Variants in CCDC93 observed in about 807,000 individuals in gnomAD.
CCDC93 encodes the protein coiled-coil domain-containing protein 93.
In CCDC93, 61 loss-of-function variants were observed where a neutral mutation model predicts 108.2. The observed-to-expected ratio is 0.56, with a 90% CI of 0.46 to 0.70. The LOEUF (loss-of-function observed/expected upper bound fraction) is 0.70. Among genes scored for constraint, CCDC93 ranks in the 30% least tolerant of loss-of-function variants. CCDC93 has a pLI of 0.00. For missense variants in CCDC93, 685 were observed against 764.2 expected (o/e 0.90, Z 1.22); for synonymous variants, 276 against 260.4 (o/e 1.06, Z -0.58).
chr2:117,974,845 C>T lies in CCDC93; in HGVS notation c.801+5G>A, dbSNP rs1352546831. 1.9e-6 allele frequency: 3 copies of T among 1,569,316 alleles called. No individual in the cohort carries two copies. The highest frequency in any genetic ancestry group is 2.6e-6 in the Non-Finnish European group (3 of 1,156,242). On this transcript the variant is annotated splice_donor_5th_base_variant and intron_variant, in intron 10 of 23. Coordinates refer to ENST00000376300, the MANE Select transcript of CCDC93 (RefSeq NM_019044.5). ...CATCCCCACACCTCCCCGACTCCCA[C>T]TCACCTCCTCATTTGCCATAGCGGT...
At chr2:117,982,978 T>C (rs531152892) in intron 7 of CCDC93, among the ~76,000 whole-genome samples, 2 of 152,214 alleles carry the variant, frequency 1.3e-5, no homozygotes, top group Non-Finnish European at 2.9e-5. Flanking sequence ...CACCCTAATA[T>C]GCTGAATAAC....
chr2:118,003,862 T>G (rs1676787416), intron 3 of CCDC93, among the ~76,000 whole-genome samples: 1 of 152,150 alleles, frequency 6.6e-6, no homozygotes, highest in African/African-American at 2.4e-5. Flanking sequence ...GAAAGACTTC[T>G]TCCAGAAATC....
chr2:117,955,474 T>C (rs988059929), intron 12 of CCDC93, among the ~76,000 whole-genome samples: 1 of 152,226 alleles, frequency 6.6e-6, no homozygotes, highest in African/African-American at 2.4e-5. Flanking sequence ...AAACGCATTT[T>C]TTGAGAAGTT....
intron 18 of CCDC93, among the ~76,000 whole-genome samples, chr2:117,941,838 T>C (rs1313793122): frequency 1.3e-5 from 2 of 152,218 alleles, no homozygotes; most frequent in African/African-American, 4.8e-5. Flanking sequence ...ATGGCACTGC[T>C]GTGTGGTGTG....
At chr2:117,978,122 CA>C (rs1196253230) in intron 7 of CCDC93, 92 bp from the exon 8 acceptor site, 1 of 1,140,962 alleles carries the variant, frequency 8.8e-7, no homozygotes, top group African/African-American at 1.5e-5. Flanking sequence ...ACATGAAAAA[CA>C]TCAAGAGAAT....
chr2:118,008,811 A>G (rs1676944407), intron 1 of CCDC93, 153 bp from the exon 2 acceptor site: 1 of 606,078 alleles, frequency 1.6e-6, no homozygotes. Flanking sequence ...CAAGTGTCAC[A>G]CAGAAGTATG....
rs565891263 is a variant in CCDC93 at position 117,963,371 on chromosome 2, T to C, written c.889-4890A>G. Among the ~76,000 whole-genome samples the C allele has an allele frequency of 9.8e-5, 15 of 152,344 alleles. No individual in the cohort carries two copies. The East Asian group carries it at 2.7e-3, about 27-fold the overall frequency. On this transcript the variant is annotated intron_variant, in intron 11 of 23. Transcript: ENST00000376300. The stretch of plus-strand genomic sequence containing the variant: ...GTGTCTACAGCTCTTCCACCTGTCC[T>C]TTCTATAACAAGATGCTGACACCTT...
chr2:117,943,302 A>T (rs1018079457), intron 18 of CCDC93, among the ~76,000 whole-genome samples: 1 of 152,242 alleles, frequency 6.6e-6, no homozygotes, highest in Non-Finnish European at 1.5e-5. Flanking sequence ...AATGCTGAAT[A>T]CATATAAAGC....
At chr2:118,010,076 G>A (rs902311130) in intron 1 of CCDC93, among the ~76,000 whole-genome samples, 3 of 151,374 alleles carry the variant, frequency 2.0e-5, no homozygotes, top group African/African-American at 4.9e-5. Flanking sequence ...CGAGTTGCTG[G>A]GACTACAGGC....
chr2:117,959,200 G>C (rs1318517304), intron 11 of CCDC93, among the ~76,000 whole-genome samples: 1 of 152,216 alleles, frequency 6.6e-6, no homozygotes, highest in Non-Finnish European at 1.5e-5. Flanking sequence ...ACCACACAAA[G>C]AAGTAAGCAG....
At chr2:118,009,910 TTTTG>T (rs983176357) in intron 1 of CCDC93, among the ~76,000 whole-genome samples, 1 of 152,056 alleles carries the variant, frequency 6.6e-6, no homozygotes, top group Non-Finnish European at 1.5e-5. Flanking sequence ...TTTGCTTTTT[TTTTG>T]TTTTTTTGTT....
chr2:117,958,459 T>C lies in CCDC93; in HGVS notation c.911A>G (p.Glu304Gly), dbSNP rs1358269449. The C allele has an allele frequency of 6.2e-7, 1 of 1,610,350 alleles. No homozygotes were observed. The highest frequency in any genetic ancestry group is 1.7e-5 in the Admixed American group (1 of 60,014). ...GGAGGTTCCTAATTTTTCTGGACTTTCTTCAGCTGATAGCTCAGACTGCTG... is the reference window on the plus strand; with the variant it reads ...GGAGGTTCCTAATTTTTCTGGACTTCCTTCAGCTGATAGCTCAGACTGCTG... ...AEKQSELSAE[E>G]SPEKLGTSQL... The change falls in exon 12 of 24, where the codon GAA (glutamate) becomes GGA (glycine). Residue 304 changes from glutamate to glycine, a missense_variant. By Grantham distance (98) the Glu-to-Gly change is moderately conservative. Coordinates refer to ENST00000376300, the MANE Select transcript of CCDC93 (RefSeq NM_019044.5).
Position 118,004,668 on chromosome 2 carries a change from C to T in CCDC93, c.251+2054G>A, listed in dbSNP as rs551863106. Among the ~76,000 whole-genome samples, 6 of 152,322 alleles carry T rather than the reference C, an allele frequency of 3.9e-5. No homozygotes were observed. The South Asian group carries it at 1.2e-3, about 32-fold the overall frequency. The stretch of plus-strand genomic sequence containing the variant: ...ATGACTCAGTACCCTGTGGCTGTAA[C>T]ATGTCTTCTACAGATAATAAAGAAT... On this transcript the variant is annotated intron_variant, in intron 3 of 23. Coordinates refer to ENST00000376300, the MANE Select transcript of CCDC93 (RefSeq NM_019044.5).
chr2:117,956,210 C>T (rs4849645), intron 12 of CCDC93, among the ~76,000 whole-genome samples: 147,648 of 152,306 alleles, frequency 0.97, 71,755 homozygotes, highest in Middle Eastern at 1. Flanking sequence ...ATAATGATTG[C>T]TGTCTTTTAA....
intron 23 of CCDC93, among the ~76,000 whole-genome samples, chr2:117,926,596 A>G (rs1215821870): frequency 6.6e-6 from 1 of 152,228 alleles, no homozygotes; most frequent in Non-Finnish European, 1.5e-5. Flanking sequence ...GAATATACCA[A>G]TAACAGGCTC....
At chr2:118,006,067 T>C (rs1449382800) in intron 3 of CCDC93, among the ~76,000 whole-genome samples, 1 of 152,200 alleles carries the variant, frequency 6.6e-6, no homozygotes. Flanking sequence ...CCCACCATTA[T>C]TGCTTCCTGT....
intron 3 of CCDC93, among the ~76,000 whole-genome samples, chr2:118,001,846 C>T (rs994643805): frequency 6.6e-6 from 1 of 152,198 alleles, no homozygotes; most frequent in African/African-American, 2.4e-5. Context: ...GTTGGCATTT[C>T]ATCTCTAGCT....
chr2:117,991,828 T>G (rs943175665), intron 6 of CCDC93, among the ~76,000 whole-genome samples: 7 of 152,250 alleles, frequency 4.6e-5, no homozygotes, highest in Non-Finnish European at 8.8e-5. Context: ...AGGAGGGATT[T>G]TCCTTGAGGA....
At chr2:117,926,691 C>A (rs1044701009) in intron 23 of CCDC93, among the ~76,000 whole-genome samples, 5 of 152,168 alleles carry the variant, frequency 3.3e-5, no homozygotes, top group African/African-American at 9.7e-5. Context: ...ACCAGAGGTA[C>A]AAGGAGGAGC....
Sources: gnomAD v4.1 joint callset for allele counts (sites outside exome capture counted in the v4.1 genomes callset) on GRCh38, gnomAD v4.1.1 for gene constraint, MANE v1.5 for transcripts, NCBI Gene and HGNC (gene_info 2026-07-23, HGNC 2026-07-21) for gene names.